The following CYP27A1 variants were observed in gnomAD, a reference collection of about 807,000 sequenced individuals.
CYP27A1 encodes cytochrome P450 family 27 subfamily A member 1.
Under a neutral mutation model 58.2 loss-of-function variants are expected in CYP27A1, and 46 were observed. That is an observed-to-expected ratio of 0.79 (90% CI 0.62 to 1.01). The LOEUF (loss-of-function observed/expected upper bound fraction) is 1.01. Ranked by LOEUF, CYP27A1 falls within the 50% of genes least tolerant of loss-of-function variation. CYP27A1 has a pLI of 0.00. For missense variants in CYP27A1, 704 were observed against 687.0 expected, an observed-to-expected ratio of 1.02 and a Z score of -0.28; for synonymous variants, 274 against 285.1, an observed-to-expected ratio of 0.96 and a Z score of 0.39.
At chr2:218,811,537 A>G (rs1393425377) in intron 2 of CYP27A1, among the ~76,000 whole-genome samples, 1 of 152,126 alleles carries the variant, frequency 6.6e-6, no homozygotes, top group South Asian at 2.1e-4. Flanking sequence ...TGCCTAACCA[A>G]GGAGGAGGCC....
At chr2:218,814,210 G>C in intron 6 of CYP27A1, 23 bp downstream of exon 6, 14 of 1,614,116 alleles carry the variant, frequency 8.7e-6, no homozygotes, top group Non-Finnish European at 1.2e-5. Context: ...GCTGTTCTGG[G>C]GGGCACAGGA....
intron 1 of CYP27A1, among the ~76,000 whole-genome samples, chr2:218,802,633 A>G (rs759746047): frequency 2.0e-5 from 3 of 152,240 alleles, no homozygotes; most frequent in Non-Finnish European, 2.9e-5. Context: ...AAAGAGAGAC[A>G]GCCGATGTTT....
At chr2:218,783,272 A>AG (rs1553614383) in intron 1 of CYP27A1, among the ~76,000 whole-genome samples, 41 of 151,196 alleles carry the variant, frequency 2.7e-4, no homozygotes, top group African/African-American at 8.7e-4. Flanking sequence ...AAAAAAAAAA[A>AG]AAAAGAAAAA....
intron 1 of CYP27A1, among the ~76,000 whole-genome samples, chr2:218,792,530 G>A (rs540939007): frequency 1.1e-3 from 161 of 152,240 alleles, no homozygotes; most frequent in Middle Eastern, 6.8e-3. Flanking sequence ...ATTCAAGAGT[G>A]CTTCTCAGGG....
At chr2:218,797,409 A>G (rs570958666) in intron 1 of CYP27A1, among the ~76,000 whole-genome samples, 1 of 152,148 alleles carries the variant, frequency 6.6e-6, no homozygotes, top group Non-Finnish European at 1.5e-5. Flanking sequence ...CTTAATTATG[A>G]TTGATAGCAT....
intron 6 of CYP27A1, 80 bp from the exon 7 acceptor site, chr2:218,814,300 G>C: frequency 6.3e-7 from 1 of 1,595,756 alleles, no homozygotes; most frequent in Non-Finnish European, 8.6e-7. Flanking sequence ...GGATGAGATG[G>C]GAGAGGTAGG....
chr2:218,798,169 A>C (rs1372832660), intron 1 of CYP27A1, among the ~76,000 whole-genome samples: 3 of 151,756 alleles, frequency 2.0e-5, no homozygotes, highest in Admixed American at 2.0e-4. Flanking sequence ...CACTTGGCTA[A>C]TTTTTTTGTA....
At chr2:218,800,620 A>G (rs1376584089) in intron 1 of CYP27A1, among the ~76,000 whole-genome samples, 1 of 152,220 alleles carries the variant, frequency 6.6e-6, no homozygotes, top group Non-Finnish European at 1.5e-5. Flanking sequence ...CATATTTTAG[A>G]GAAATGAGAA....
intron 1 of CYP27A1, among the ~76,000 whole-genome samples, chr2:218,794,112 G>A (rs1360656639): frequency 6.6e-6 from 1 of 152,182 alleles, no homozygotes; most frequent in Non-Finnish European, 1.5e-5. Context: ...TGAATCCCCA[G>A]GTTACCACCC....
chr2:218,796,527 G>C (rs974747252), intron 1 of CYP27A1, among the ~76,000 whole-genome samples: 7 of 151,948 alleles, frequency 4.6e-5, no homozygotes, highest in Non-Finnish European at 8.8e-5. Flanking sequence ...CCGGGAGGCA[G>C]AGGTTGTAGT....
In CYP27A1 at chr2:218,782,293, G is replaced by C. The variant is rs1347645351; in HGVS notation, c.111G>C (p.Ser37=). Residue 37 remains serine (S), a synonymous_variant, in exon 1 of 9, where the codon TCG becomes TCC. Transcript: ENST00000258415. The surrounding 1 kb of genome is among the most constrained non-coding windows in gnomAD (Gnocchi z 4.1). ...CCGCGATCCCTGCCGCCCTCCCCTC[G>C]GACAAGGCCACCGGAGCTCCCGGAG... The part of the protein sequence containing the change: ...AKAAIPAALP[S]DKATGAPGAG... The C allele has an allele frequency of 1.9e-6, 3 of 1,600,346 alleles. No homozygotes were observed. The African/African-American group carries it at 4.0e-5, about 21-fold the overall frequency.
At chr2:218,814,305 G>A in intron 6 of CYP27A1, 75 bp from the exon 7 acceptor site, 4 of 1,596,322 alleles carry the variant, frequency 2.5e-6, no homozygotes, top group South Asian at 1.1e-5. Context: ...AGATGGGAGA[G>A]GTAGGGGAGA....
intron 1 of CYP27A1, among the ~76,000 whole-genome samples, chr2:218,785,996 CA>C: frequency 6.6e-6 from 1 of 152,296 alleles, no homozygotes; most frequent in South Asian, 2.1e-4. Context: ...ATCAAAGCTG[CA>C]GCTTTGGCTG....
At chr2:218,810,260 C>G (rs1052597070) in intron 2 of CYP27A1, among the ~76,000 whole-genome samples, 3 of 150,904 alleles carry the variant, frequency 2.0e-5, no homozygotes, top group Non-Finnish European at 4.4e-5. Flanking sequence ...GCCTGGGCAA[C>G]AGAGTGAGAC....
intron 2 of CYP27A1, among the ~76,000 whole-genome samples, chr2:218,811,899 T>C (rs879371467): frequency 6.6e-6 from 1 of 152,194 alleles, no homozygotes; most frequent in Non-Finnish European, 1.5e-5. Context: ...CCCCATTTTA[T>C]AGAAAGGGAA....
intron 1 of CYP27A1, among the ~76,000 whole-genome samples, chr2:218,791,116 A>AT (rs1443220578): frequency 1.3e-5 from 2 of 152,214 alleles, no homozygotes; most frequent in Non-Finnish European, 2.9e-5. Context: ...GATGACAGGC[A>AT]TGAGCCACTG....
At chr2:218,788,567 C>G (rs1344001463) in intron 1 of CYP27A1, among the ~76,000 whole-genome samples, 1 of 152,144 alleles carries the variant, frequency 6.6e-6, no homozygotes, top group Non-Finnish European at 1.5e-5. Context: ...AAATTATTAA[C>G]TACATTACTG....
Position 218,814,365 on chromosome 2 carries a change from T to C in CYP27A1, c.1185-15T>C, listed in dbSNP as rs117727806. The stretch of plus-strand genomic sequence containing the variant: ...ATGAATCCAGAGCAGACTCCAGACA[T>C]TCTTTTCCCTGCAGTCTCTACCCTG... On this transcript the variant is annotated splice_polypyrimidine_tract_variant and intron_variant, in intron 6 of 8. Transcript: ENST00000258415. The C allele has an allele frequency of 1.7e-5, 27 of 1,613,236 alleles. No homozygotes were observed. In the East Asian group the frequency reaches 5.3e-4, roughly 32 times the overall value.
At position 218,812,963 on chromosome 2, in the gene CYP27A1, C is replaced by T. The variant is rs1417655712; in HGVS notation, c.884C>T (p.Ala295Val). The T allele has an allele frequency of 1.2e-6, 2 of 1,614,244 alleles. No individual in the cohort carries two copies. The highest frequency in any genetic ancestry group is 8.5e-7 in the Non-Finnish European group (1 of 1,180,052). ...GATGAGAAGCTCGAAGATATGGAGG[C>T]CCAACTGCAGGCAGCAGGGCCAGAT... ...LIDEKLEDME[A>V]QLQAAGPDGI... Residue 295 changes from alanine (A) to valine (V), a missense_variant, in exon 5 of 9, where the codon GCC becomes GTC. Coordinates refer to ENST00000258415, the MANE Select transcript of CYP27A1 (RefSeq NM_000784.4).
Sources: gnomAD v4.1 joint callset for allele counts (sites outside exome capture counted in the v4.1 genomes callset) on GRCh38, gnomAD v4.1.1 for gene constraint, Gnocchi (gnomAD v3.1) non-coding constraint, MANE v1.5 for transcripts, NCBI Gene and HGNC (gene_info 2026-07-23, HGNC 2026-07-21) for gene names.